Variants in S100B observed in about 807,000 individuals in gnomAD.
S100B encodes S100 calcium binding protein B.
A neutral mutation model predicts 7.7 loss-of-function variants in S100B; 6 were observed. The observed-to-expected ratio is 0.78, with a 90% confidence interval of 0.43 to 1.54. The LOEUF is 1.54. Among genes scored for constraint, S100B ranks in the 40% most tolerant of loss-of-function variants. The pLI is 0.01. For synonymous variants in S100B, 36 were observed against 40.4 expected (o/e 0.89, Z 0.41); for missense variants, 99 against 111.8 (o/e 0.89, Z 0.52).
At chr21:46,603,398 T>TGGGGGCGGGGGGGGGGGG (rs2061048295) in intron 1 of S100B, among the ~76,000 whole-genome samples, 35 of 52,114 alleles carry the variant, frequency 6.7e-4, no homozygotes, top group African/African-American at 2.2e-3. Flanking sequence ...CGGGAGGGGG[T>TGGGGGCGGGGGGGGGGGG]GGGGGCAGGA....
intron 2 of S100B, among the ~76,000 whole-genome samples, chr21:46,600,005 C>G (rs190275485): frequency 6.6e-6 from 1 of 152,266 alleles, no homozygotes; most frequent in East Asian, 1.9e-4. Context: ...GAATTGCTTT[C>G]TAGGTGTCAT....
chr21:46,603,392 A>AGGGGGCAGG (rs1555923741), intron 1 of S100B, among the ~76,000 whole-genome samples: 9 of 38,230 alleles, frequency 2.4e-4, no homozygotes, highest in African/African-American at 9.2e-4. Flanking sequence ...GGACGGCGGG[A>AGGGGGCAGG]GGGGGTGGGG....
chr21:46,604,642 T>C (rs2061052409), intron 1 of S100B, among the ~76,000 whole-genome samples: 1 of 152,178 alleles, frequency 6.6e-6, no homozygotes, highest in African/African-American at 2.4e-5. Context: ...AAACTAGCAT[T>C]AGGTTCTCCA....
At position 46,604,360 on chromosome 21, in the gene S100B, A is replaced by C. The variant is rs1015775109; in HGVS notation, c.-2+653T>G. ...TTTTGAACTTTAACTCCTTAGAAAGACAAGTTACCTAGCGTGTGAGGATCC... is the reference window on the plus strand; with the variant it reads ...TTTTGAACTTTAACTCCTTAGAAAGCCAAGTTACCTAGCGTGTGAGGATCC... On this transcript the variant is annotated intron_variant, in intron 1 of 2. Transcript: ENST00000291700. Among the ~76,000 whole-genome samples, 12 of 152,360 alleles carry C rather than the reference A, an allele frequency of 7.9e-5. 1 individual carries two copies. The highest frequency in any genetic ancestry group is 2.0e-4 in the Admixed American group (3 of 15,304).
At chr21:46,604,624 A>G (rs1335458447) in intron 1 of S100B, among the ~76,000 whole-genome samples, 2 of 152,226 alleles carry the variant, frequency 1.3e-5, no homozygotes, top group Non-Finnish European at 2.9e-5. Flanking sequence ...TATTTATGAT[A>G]TAGGACTAAA....
At chr21:46,603,141 C>G (rs2061046370) in intron 1 of S100B, among the ~76,000 whole-genome samples, 1 of 151,200 alleles carries the variant, frequency 6.6e-6, no homozygotes, top group Admixed American at 6.6e-5. Flanking sequence ...GGTGACATGA[C>G]AAAAACAGCT....
chr21:46,605,077 G>C lies in S100B; in HGVS notation c.-66C>G, dbSNP rs1310117720. 1 of 152,548 alleles carries C rather than the reference G, an allele frequency of 6.6e-6. No individual in the cohort carries two copies. Among genetic ancestry groups the C allele is most frequent in the Non-Finnish European group, 1.5e-5 (1 of 68,286 alleles). The allele number at this position is 152,548 out of a possible 1,614,324, so 9.4% of individuals were successfully genotyped here. On this transcript the variant is annotated 5_prime_UTR_variant, in exon 1 of 3. Transcript: ENST00000291700. ...GGCGTCGTCTCTGCTGCGGGTCCTGGGCGGCAGGACTGGTGGGCAGAGGCA... is the reference window on the plus strand; with the variant it reads ...GGCGTCGTCTCTGCTGCGGGTCCTGCGCGGCAGGACTGGTGGGCAGAGGCA...
chr21:46,601,880 A>T (rs2148944307), intron 2 of S100B, among the ~76,000 whole-genome samples: 1 of 152,270 alleles, frequency 6.6e-6, no homozygotes, highest in East Asian at 1.9e-4. Flanking sequence ...AAAGTCTGGC[A>T]TATCTTATCT....
Position 46,599,300 on chromosome 21 carries a change from C to G in S100B, c.*63G>C, listed in dbSNP as rs1423004892. On this transcript the variant is annotated 3_prime_UTR_variant, in exon 3 of 3. Coordinates refer to ENST00000291700, the MANE Select transcript of S100B (RefSeq NM_006272.3). ...CTCAGCTCCTACTAGGCTGCAAGCCCTTGCTGTCTGCTTTCTTGCATGACC... is the reference window on the plus strand; with the variant it reads ...CTCAGCTCCTACTAGGCTGCAAGCCGTTGCTGTCTGCTTTCTTGCATGACC... 6.7e-7 allele frequency: 1 copy of G among 1,501,698 alleles called. No homozygotes were observed. Among genetic ancestry groups the G allele is most frequent in the Non-Finnish European group, 9.2e-7 (1 of 1,087,770 alleles). The allele number at this position is 1,501,698 out of a possible 1,614,324, so 93.0% of individuals were successfully genotyped here. A position where few individuals can be genotyped will look rare whatever the true frequency, so the allele number is the denominator to read the frequency against.
At chr21:46,603,968 T>C (rs2061050398) in intron 1 of S100B, among the ~76,000 whole-genome samples, 1 of 152,230 alleles carries the variant, frequency 6.6e-6, no homozygotes, top group East Asian at 1.9e-4. Flanking sequence ...TGTATGTGTG[T>C]GTATTTTTTT....
intron 1 of S100B, among the ~76,000 whole-genome samples, chr21:46,604,622 A>G (rs1283473560): frequency 1.3e-5 from 2 of 152,198 alleles, no homozygotes; most frequent in Non-Finnish European, 2.9e-5. Flanking sequence ...TTTATTTATG[A>G]TATAGGACTA....
rs2061034228 is a variant in S100B at position 46,599,099 on chromosome 21, A to C, written c.*264T>G. ...GCACGGTGCACGCTTTATCACTGAG[A>C]CCTGACTCCTAAGTTACTGTTAACA... On this transcript the variant is annotated 3_prime_UTR_variant, in exon 3 of 3. Coordinates refer to ENST00000291700, the MANE Select transcript of S100B (RefSeq NM_006272.3). The C allele has an allele frequency of 4.0e-6, 2 of 495,214 alleles. No homozygotes were observed. The highest frequency in any genetic ancestry group is 7.1e-6 in the Non-Finnish European group (2 of 281,444). 30.7% of individuals were successfully genotyped at this position (495,214 alleles called of 1,614,324 possible).
At position 46,599,078 on chromosome 21, in the gene S100B, G is replaced by T; in HGVS notation, c.*285C>A. ...TCTACACGGCCATGGCGGGCTGCACGGTGCACGCTTTATCACTGAGACCTG... is the reference window on the plus strand; with the variant it reads ...TCTACACGGCCATGGCGGGCTGCACTGTGCACGCTTTATCACTGAGACCTG... On this transcript the variant is annotated 3_prime_UTR_variant, in exon 3 of 3. Coordinates refer to ENST00000291700, the MANE Select transcript of S100B (RefSeq NM_006272.3). The T allele has an allele frequency of 2.5e-6, 1 of 399,522 alleles. No individual in the cohort carries two copies. The highest frequency in any genetic ancestry group is 4.4e-5 in the Admixed American group (1 of 22,942). The allele number at this position is 399,522 out of a possible 1,614,324, so 24.7% of individuals were successfully genotyped here.
chr21:46,604,862 C>T (rs191837829), intron 1 of S100B, among the ~76,000 whole-genome samples, 151 bp downstream of exon 1: 3 of 152,324 alleles, frequency 2.0e-5, no homozygotes, highest in African/African-American at 4.8e-5. Flanking sequence ...GAGATTAAAA[C>T]ACATCATCCT....
chr21:46,600,916 A>G (rs141787140), intron 2 of S100B, among the ~76,000 whole-genome samples: 6 of 152,342 alleles, frequency 3.9e-5, no homozygotes, highest in Non-Finnish European at 8.8e-5. Context: ...ATCAAGTCAG[A>G]AGGCAAGATT....
intron 1 of S100B, 139 bp from the exon 2 acceptor site, chr21:46,602,555 A>G (rs1413832820): frequency 5.9e-6 from 5 of 853,840 alleles, no homozygotes; most frequent in East Asian, 2.6e-5. Context: ...AGCAGCAGGC[A>G]TGGCCTGGAG....
intron 1 of S100B, among the ~76,000 whole-genome samples, chr21:46,603,781 C>G (rs2061049959): frequency 1.3e-5 from 2 of 152,074 alleles, no homozygotes; most frequent in Admixed American, 6.5e-5. Context: ...TTTTTTTATA[C>G]TGGCCAGATC....
At chr21:46,603,392 A>AGGGGGGGGGGGGAGGGGGGGGCGGGGG (rs1555923741) in intron 1 of S100B, among the ~76,000 whole-genome samples, 2 of 38,206 alleles carry the variant, frequency 5.2e-5, no homozygotes, top group Non-Finnish European at 9.8e-5. Context: ...GGACGGCGGG[A>AGGGGGGGGGGGGAGGGGGGGGCGGGGG]GGGGGTGGGG....
chr21:46,599,512 G>A lies in S100B; in HGVS notation c.139-9C>T, dbSNP rs2061035808. 1 of 1,613,552 alleles carries A rather than the reference G, an allele frequency of 6.2e-7. No individual in the cohort carries two copies. Among genetic ancestry groups the A allele is most frequent in the Non-Finnish European group, 8.5e-7 (1 of 1,179,630 alleles). On this transcript the variant is annotated splice_polypyrimidine_tract_variant and intron_variant, in intron 2 of 2. Transcript: ENST00000291700. The stretch of plus-strand genomic sequence containing the variant: ...TCCTGCTCTTTGATTTCCTAAGAGA[G>A]ATAAAAGGAGTTGCCGACCTTGTTT...
Sources: gnomAD v4.1 joint callset for allele counts (sites outside exome capture counted in the v4.1 genomes callset) on GRCh38, gnomAD v4.1.1 for gene constraint, MANE v1.5 for transcripts, NCBI Gene and HGNC (gene_info 2026-07-23, HGNC 2026-07-21) for gene names.